Variants in UBQLN4 observed in about 807,000 individuals in gnomAD.
UBQLN4 encodes the protein ubiquilin-4.
Under a neutral mutation model 60.4 loss-of-function variants are expected in UBQLN4, and 11 were observed. The ratio of observed to expected loss-of-function variants is 0.18; its 90% CI spans 0.11 to 0.30. The LOEUF is 0.30. Ranked by LOEUF, UBQLN4 falls within the 10% of genes least tolerant of loss-of-function variation. The pLI is 1.00. For synonymous variants in UBQLN4, 258 were observed against 313.1 expected (o/e 0.82, Z 1.86); for missense variants, 417 against 795.5 (o/e 0.52, Z 5.72).
At position 156,050,613 on chromosome 1, in the gene UBQLN4, G is replaced by A; in HGVS notation, c.479-60C>T. The A allele has an allele frequency of 6.5e-7, 1 of 1,527,874 alleles. No homozygotes were observed. The highest frequency in any genetic ancestry group is 8.8e-7 in the Non-Finnish European group (1 of 1,136,626). The allele number at this position is 1,527,874 out of a possible 1,614,324, so 94.6% of individuals were successfully genotyped here. A position where few individuals can be genotyped will look rare whatever the true frequency, so the allele number is the denominator to read the frequency against. ...AGAACAGTGTCCTCACTTAGCCAGAGCCACTGAATTCAGATCTCCAGGACA... is the reference window on the plus strand; with the variant it reads ...AGAACAGTGTCCTCACTTAGCCAGAACCACTGAATTCAGATCTCCAGGACA... On this transcript the variant is annotated intron_variant, in intron 3 of 10. Coordinates refer to ENST00000368309, the MANE Select transcript of UBQLN4 (RefSeq NM_020131.5). This position sits in a 1 kb window ranked among gnomAD's most constrained non-coding sequence, Gnocchi z 4.6.
chr1:156,045,806 TA>T (rs372664464), intron 5 of UBQLN4, among the ~76,000 whole-genome samples: 2 of 152,152 alleles, frequency 1.3e-5, no homozygotes, highest in African/African-American at 2.4e-5. Flanking sequence ...TTTTGGAAAA[TA>T]AAGTTATTTT....
At chr1:156,049,248 A>C (rs2102754076) in intron 4 of UBQLN4, among the ~76,000 whole-genome samples, 1 of 152,324 alleles carries the variant, frequency 6.6e-6, no homozygotes, top group African/African-American at 2.4e-5. Context: ...CCAAGACCAT[A>C]CTGTGATTCC....
chr1:156,033,123 T>C, downstream of UBQLN4: 2 of 824,920 alleles, frequency 2.4e-6, no homozygotes, highest in Non-Finnish European at 2.9e-6. Flanking sequence ...TTTTTGCCAA[T>C]ACTTATGTAG....
intron 7 of UBQLN4, chr1:156,042,560 C>T: frequency 9.4e-7 from 1 of 1,058,794 alleles, no homozygotes; most frequent in Non-Finnish European, 1.3e-6. Flanking sequence ...TTAATCCTCA[C>T]AACTATAGGA....
Position 156,048,725 on chromosome 1 carries a change from G to A in UBQLN4, c.742-66C>T, listed in dbSNP as rs1394871913. 11 of 1,556,634 alleles carry A rather than the reference G, an allele frequency of 7.1e-6. No individual in the cohort carries two copies. In the Admixed American group the frequency reaches 2.0e-4, roughly 28 times the overall value. ...GGAGCACCAACCTAGGAAAAGGGTG[G>A]GCCTTGAGGAAGGGGGGTCTGTATC... is the stretch of plus-strand genomic sequence containing the variant. On this transcript the variant is annotated intron_variant, in intron 4 of 10. Transcript: ENST00000368309. This position sits in a 1 kb window ranked among gnomAD's most constrained non-coding sequence, Gnocchi z 4.9.
intron 10 of UBQLN4, among the ~76,000 whole-genome samples, chr1:156,038,276 C>T (rs552641440): frequency 8.8e-4 from 134 of 152,186 alleles, no homozygotes; most frequent in African/African-American, 3.2e-3. Context: ...ACTTGGGAGG[C>T]TGAGGCAGAA....
chr1:156,052,937 C>T (rs1683913528), intron 1 of UBQLN4, among the ~76,000 whole-genome samples: 1 of 152,142 alleles, frequency 6.6e-6, no homozygotes, highest in Non-Finnish European at 1.5e-5. Flanking sequence ...ACTTGTTAAG[C>T]AGAGGCTGCT....
chr1:156,031,931 T>C (rs991720961), downstream of UBQLN4, among the ~76,000 whole-genome samples: 1 of 142,184 alleles, frequency 7.0e-6, no homozygotes, highest in African/African-American at 2.7e-5. Context: ...TATATATATA[T>C]ACTCATGAAA....
In UBQLN4 at chr1:156,050,460, G is replaced by C. The variant is rs1206059403; in HGVS notation, c.572C>G (p.Ser191Cys). 6.2e-7 allele frequency: 1 copy of C among 1,613,904 alleles called. No individual in the cohort carries two copies. Among genetic ancestry groups the C allele is most frequent in the Admixed American group, 1.7e-5 (1 of 60,022 alleles). Residue 191 changes from serine to cysteine, a missense_variant, in exon 4 of 11, where the codon TCC becomes TGC. Ser to Cys is a moderately radical substitution (Grantham distance 112). Transcript: ENST00000368309. The surrounding 1 kb of genome is among the most constrained non-coding windows in gnomAD (Gnocchi z 4.6). ...GATCTGTGACAGCATCTCAGGATTGGACATCAGCTGCCGCTGCATCTGCTG... is the reference window on the plus strand; with the variant it reads ...GATCTGTGACAGCATCTCAGGATTGCACATCAGCTGCCGCTGCATCTGCTG... ...LQQQMQRQLM[S>C]NPEMLSQIME...
chr1:156,036,049 G>T lies in UBQLN4; in HGVS notation c.*929C>A. 1 of 985,598 alleles carries T rather than the reference G, an allele frequency of 1.0e-6. No individual in the cohort carries two copies. The highest frequency in any genetic ancestry group is 1.2e-6 in the Non-Finnish European group (1 of 829,942). The allele number at this position is 985,598 out of a possible 1,614,324, so 61.1% of individuals were successfully genotyped here. ...GAAATGTGTGTGTGTGTGCATATAAGCACATATGCTTGAGGAACTAAAGCC... is the reference window on the plus strand; with the variant it reads ...GAAATGTGTGTGTGTGTGCATATAATCACATATGCTTGAGGAACTAAAGCC... On this transcript the variant is annotated 3_prime_UTR_variant, in exon 11 of 11. Transcript: ENST00000368309.
downstream of UBQLN4, among the ~76,000 whole-genome samples, chr1:156,035,125 T>G (rs1310781312): frequency 6.6e-6 from 1 of 151,274 alleles, no homozygotes; most frequent in East Asian, 1.9e-4. Flanking sequence ...GCAGTTTCGC[T>G]CTTGTTGCCC....
chr1:156,033,910 C>G (rs1341257159), downstream of UBQLN4, among the ~76,000 whole-genome samples: 2 of 151,772 alleles, frequency 1.3e-5, no homozygotes, highest in African/African-American at 4.8e-5. Flanking sequence ...AGCCTCTCAG[C>G]AACCTTTTCC....
At position 156,036,176 on chromosome 1, in the gene UBQLN4, G is replaced by A; in HGVS notation, c.*802C>T. 3 of 985,540 alleles carry A rather than the reference G, an allele frequency of 3.0e-6. No individual in the cohort carries two copies. Among genetic ancestry groups the A allele is most frequent in the Non-Finnish European group, 3.6e-6 (3 of 829,932 alleles). 61.0% of individuals were successfully genotyped at this position (985,540 alleles called of 1,614,324 possible). On this transcript the variant is annotated 3_prime_UTR_variant, in exon 11 of 11. Transcript: ENST00000368309. ...AAGTCTCTTCTGCCAGCTCGGGCCT[G>A]GATTCTTCTGCCTAAAAGAGCTATG... is the stretch of plus-strand genomic sequence containing the variant.
At chr1:156,043,077 C>T (rs750027063) in intron 6 of UBQLN4, among the ~76,000 whole-genome samples, 164 bp from the exon 7 acceptor site, 16 of 152,202 alleles carry the variant, frequency 1.1e-4, no homozygotes, top group Non-Finnish European at 2.1e-4. Flanking sequence ...CAAGTCTCTC[C>T]CAAGTCCAAG....
At chr1:156,038,503 A>G (rs903858692) in intron 10 of UBQLN4, among the ~76,000 whole-genome samples, 5 of 151,842 alleles carry the variant, frequency 3.3e-5, no homozygotes, top group African/African-American at 1.2e-4. Context: ...CTAAAGATAC[A>G]AAACTTAGTT....
chr1:156,034,865 AT>A (rs1209813612), downstream of UBQLN4, among the ~76,000 whole-genome samples: 2 of 73,058 alleles, frequency 2.7e-5, no homozygotes, highest in African/African-American at 9.8e-5. Flanking sequence ...ATATATATAT[AT>A]ATATAATTTT....
At position 156,044,214 on chromosome 1, in the gene UBQLN4, T is replaced by G; in HGVS notation, c.910A>C (p.Asn304His). 1 of 1,564,044 alleles carries G rather than the reference T, an allele frequency of 6.4e-7. No homozygotes were observed. Among genetic ancestry groups the G allele is most frequent in the Non-Finnish European group, 8.7e-7 (1 of 1,153,698 alleles). Residue 304 changes from asparagine to histidine, a missense_variant, in exon 6 of 11, where the codon AAT (asparagine) becomes CAT (histidine). Transcript: ENST00000368309. ...FSAAREQFGNNPFSSLAGNSD... is the reference protein window; with the variant it reads ...FSAAREQFGNHPFSSLAGNSD... ...TTCCCGGCCAGGGAAGAGAAGGGAT[T>G]GTTGCCAAACTGGGAGGAGGGAAAG...
intron 10 of UBQLN4, among the ~76,000 whole-genome samples, chr1:156,038,521 GT>G: frequency 6.6e-6 from 1 of 152,028 alleles, no homozygotes; most frequent in South Asian, 2.1e-4. Context: ...GTTGGGCATG[GT>G]GACAGGAGCC....
At position 156,050,510 on chromosome 1, in the gene UBQLN4, G is replaced by A. The variant is rs193167931; in HGVS notation, c.522C>T (p.Gly174=). Residue 174 remains glycine, a synonymous_variant, in exon 4 of 11, where the codon GGC becomes GGT. Coordinates refer to ENST00000368309, the MANE Select transcript of UBQLN4 (RefSeq NM_020131.5). This position sits in a 1 kb window ranked among gnomAD's most constrained non-coding sequence, Gnocchi z 4.6. ...GILGLGSLGL[G]SANFMELQQQ... The stretch of plus-strand genomic sequence containing the variant: ...GCTGCAGCTCCATGAAGTTGGCAGA[G>A]CCCAGGCCTAGGCTGCCCAGCCCCA... The A allele has an allele frequency of 6.2e-5, 100 of 1,613,614 alleles. No individual in the cohort carries two copies. Among genetic ancestry groups the A allele is most frequent in the Non-Finnish European group, 8.1e-5 (96 of 1,179,952 alleles).
Sources: gnomAD v4.1 joint callset for allele counts (sites outside exome capture counted in the v4.1 genomes callset) on GRCh38, gnomAD v4.1.1 for gene constraint, Gnocchi (gnomAD v3.1) non-coding constraint, MANE v1.5 for transcripts, NCBI Gene and HGNC (gene_info 2026-07-23, HGNC 2026-07-21) for gene names.